NLGN1: variants seen among roughly 807,000 people sequenced by gnomAD.
NLGN1 encodes the protein neuroligin 1, also known as neuroligin-1.
NLGN1 carries 12 observed loss-of-function variants against 65.5 expected under a neutral mutation model. That is an observed-to-expected ratio of 0.18 (90% CI 0.12 to 0.30). The LOEUF (loss-of-function observed/expected upper bound fraction) is 0.30, where lower values mean the gene tolerates loss of function less well. Among genes scored for constraint, NLGN1 ranks in the 10% least tolerant of loss-of-function variants. The probability of loss-of-function intolerance (pLI) is 1.00; values close to 1 mark genes in which losing one functional copy is unlikely to be tolerated. For missense variants in NLGN1, 750 were observed against 1,007.1 expected (o/e 0.74, Z 3.46); for synonymous variants, 350 against 359.5 (o/e 0.97, Z 0.30).
intron 2 of NLGN1, among the ~76,000 whole-genome samples, chr3:173,540,988 G>A (rs1738768213): frequency 6.6e-6 from 1 of 152,034 alleles, no homozygotes; most frequent in Admixed American, 6.6e-5. Context: ...AGATGTACTT[G>A]GGTAAAAAAA....
At chr3:174,246,439 A>C in intron 4 of NLGN1, among the ~76,000 whole-genome samples, 1 of 152,200 alleles carries the variant, frequency 6.6e-6, no homozygotes, top group Non-Finnish European at 1.5e-5. Flanking sequence ...TTAAAAATAG[A>C]GACAGGTTCT....
chr3:173,480,958 A>G (rs1418613462), intron 2 of NLGN1, among the ~76,000 whole-genome samples: 4 of 152,076 alleles, frequency 2.6e-5, no homozygotes, highest in African/African-American at 9.7e-5. Context: ...TGCATTTATC[A>G]TGTGTCAGGT....
At chr3:173,702,781 A>G (rs1767436457) in intron 3 of NLGN1, among the ~76,000 whole-genome samples, 1 of 152,276 alleles carries the variant, frequency 6.6e-6, no homozygotes, top group Admixed American at 6.5e-5. Context: ...ACTATTGTGC[A>G]GTTAGGAGGA....
intron 2 of NLGN1, among the ~76,000 whole-genome samples, chr3:173,558,275 A>C (rs748518263): frequency 3.9e-5 from 6 of 151,910 alleles, no homozygotes; most frequent in Non-Finnish European, 7.4e-5. Context: ...CATCACTTTG[A>C]ATATTGTATC....
At chr3:174,260,419 A>C (rs1257033643) in intron 4 of NLGN1, among the ~76,000 whole-genome samples, 46 of 151,328 alleles carry the variant, frequency 3.0e-4, no homozygotes, top group Non-Finnish European at 5.8e-4. Flanking sequence ...TTTGATTTGC[A>C]TTTCTCTGAT....
At chr3:173,535,879 T>C (rs1030379666) in intron 2 of NLGN1, among the ~76,000 whole-genome samples, 3 of 152,164 alleles carry the variant, frequency 2.0e-5, no homozygotes, top group African/African-American at 7.2e-5. Flanking sequence ...CACAGATGAA[T>C]TTTGATAGAA....
At chr3:173,939,677 T>C (rs1745664858) in intron 4 of NLGN1, among the ~76,000 whole-genome samples, 1 of 152,178 alleles carries the variant, frequency 6.6e-6, no homozygotes, top group South Asian at 2.1e-4. Context: ...TATAATAATA[T>C]TAAAAATGAA....
chr3:173,971,921 G>A (rs1192381794), intron 4 of NLGN1, among the ~76,000 whole-genome samples: 1 of 151,950 alleles, frequency 6.6e-6, no homozygotes, highest in African/African-American at 2.4e-5. Context: ...GGACTGCTTA[G>A]GCCAGTAATG....
At chr3:174,290,646 T>C (rs1179729657), downstream of NLGN1, among the ~76,000 whole-genome samples, 1 of 151,100 alleles carries the variant, frequency 6.6e-6, no homozygotes, top group Non-Finnish European at 1.5e-5. Context: ...AAGTAAGTAT[T>C]TGCAACACAT....
At chr3:173,793,736 C>T (rs1029268627) in intron 3 of NLGN1, among the ~76,000 whole-genome samples, 4 of 152,074 alleles carry the variant, frequency 2.6e-5, no homozygotes, top group African/African-American at 7.2e-5. Context: ...AATTTCACTT[C>T]CATAAAGCAA....
At chr3:173,582,989 A>G (rs1577381705) in intron 2 of NLGN1, among the ~76,000 whole-genome samples, 1 of 152,238 alleles carries the variant, frequency 6.6e-6, no homozygotes, top group South Asian at 2.1e-4. Context: ...TGAATATGTC[A>G]TCTTCCCTCA....
chr3:173,597,231 C>T (rs1279757282), intron 2 of NLGN1, among the ~76,000 whole-genome samples: 1 of 152,168 alleles, frequency 6.6e-6, no homozygotes, highest in African/African-American at 2.4e-5. Context: ...TGGAGTTAGG[C>T]AGTCTTGGGT....
At chr3:173,747,059 T>TACAC (rs3033827) in intron 3 of NLGN1, among the ~76,000 whole-genome samples, 15 of 130,396 alleles carry the variant, frequency 1.2e-4, no homozygotes, top group African/African-American at 2.8e-4. Flanking sequence ...AAATTATATA[T>TACAC]ACACACACAC....
At chr3:174,276,518 A>ACTGT (rs747905618) in intron 5 of NLGN1, among the ~76,000 whole-genome samples, 12 of 151,946 alleles carry the variant, frequency 7.9e-5, no homozygotes, top group Admixed American at 2.0e-4. Flanking sequence ...AAAAGTATAC[A>ACTGT]CTGTCAAGTA....
intron 3 of NLGN1, among the ~76,000 whole-genome samples, chr3:173,708,539 A>G (rs1490205072): frequency 6.6e-6 from 1 of 152,170 alleles, no homozygotes; most frequent in East Asian, 1.9e-4. Context: ...GCCTGCATAG[A>G]CTTTGGACTG....
chr3:174,019,608 TAGAG>T (rs1727324613), intron 4 of NLGN1, among the ~76,000 whole-genome samples: 1 of 152,148 alleles, frequency 6.6e-6, no homozygotes, highest in South Asian at 2.1e-4. Context: ...AAAATATAGT[TAGAG>T]ACAGGTAGAG....
chr3:173,700,716 A>G (rs899414230), intron 3 of NLGN1, among the ~76,000 whole-genome samples: 2 of 152,330 alleles, frequency 1.3e-5, no homozygotes, highest in East Asian at 1.9e-4. Flanking sequence ...AACTTCTTCT[A>G]TCAGTGTTAT....
At chr3:174,223,943 AG>A (rs1739133538) in intron 4 of NLGN1, among the ~76,000 whole-genome samples, 1 of 152,166 alleles carries the variant, frequency 6.6e-6, no homozygotes, top group Non-Finnish European at 1.5e-5. Flanking sequence ...TCTCATCAAG[AG>A]CCACAAAGTC....
intron 2 of NLGN1, among the ~76,000 whole-genome samples, chr3:173,579,842 A>C (rs751043458): frequency 6.6e-6 from 1 of 152,176 alleles, no homozygotes; most frequent in Non-Finnish European, 1.5e-5. Context: ...AGGTTACATC[A>C]GGGGAGTTCT....
Sources: gnomAD v4.1 joint callset for allele counts (sites outside exome capture counted in the v4.1 genomes callset) on GRCh38, gnomAD v4.1.1 for gene constraint, MANE v1.5 for transcripts, NCBI Gene and HGNC (gene_info 2026-07-23, HGNC 2026-07-21) for gene names.